The following GTF2I variants were observed in gnomAD, a reference collection of about 807,000 sequenced individuals.
GTF2I encodes the protein general transcription factor IIi.
A neutral mutation model predicts 67.6 loss-of-function variants in GTF2I; 12 were observed. That is an observed-to-expected ratio of 0.18 (90% confidence interval 0.11 to 0.29). The LOEUF is 0.29. Among genes scored for constraint, GTF2I ranks in the 10% least tolerant of loss-of-function variants. The pLI, the probability that GTF2I is intolerant of heterozygous loss-of-function variation, is 1.00. For missense variants in GTF2I, 271 were observed against 580.1 expected (o/e 0.47, Z 5.47); for synonymous variants, 149 against 197.0 (o/e 0.76, Z 2.04).
intron 9 of GTF2I, 67 bp from the exon 10 acceptor site, chr7:74,714,790 A>G: frequency 9.5e-7 from 1 of 1,058,064 alleles, no homozygotes; most frequent in Non-Finnish European, 1.4e-6. Flanking sequence ...AAATTTGTTG[A>G]CTAAAGTCAC....
intron 3 of GTF2I, among the ~76,000 whole-genome samples, chr7:74,693,565 G>A (rs748569016): frequency 1.3e-5 from 2 of 151,832 alleles, no homozygotes; most frequent in African/African-American, 2.4e-5. Context: ...AAATTAGGCC[G>A]GCCAGGCACG....
chr7:74,698,389 C>CTTTTT (rs67968753), intron 3 of GTF2I, among the ~76,000 whole-genome samples: 1 of 55,890 alleles, frequency 1.8e-5, no homozygotes, highest in Non-Finnish European at 2.9e-5. Context: ...CGCACCTGGC[C>CTTTTT]TTTTTTTTTT....
intron 1 of GTF2I, among the ~76,000 whole-genome samples, chr7:74,672,573 A>G (rs1413337372): frequency 6.6e-6 from 1 of 152,106 alleles, no homozygotes; most frequent in Admixed American, 6.6e-5. Flanking sequence ...AAAAAAACAC[A>G]GAGCCTGTGA....
At chr7:74,681,442 AAAAAAAAG>A (rs1484408102) in intron 1 of GTF2I, among the ~76,000 whole-genome samples, 1 of 151,744 alleles carries the variant, frequency 6.6e-6, no homozygotes, top group East Asian at 1.9e-4. Context: ...CTCAAAAATA[AAAAAAAAG>A]AAAAAAAGAA....
At chr7:74,662,746 A>G (rs1216795020) in intron 1 of GTF2I, among the ~76,000 whole-genome samples, 1 of 149,926 alleles carries the variant, frequency 6.7e-6, no homozygotes, top group Admixed American at 6.6e-5. Context: ...CTTGTCTCCA[A>G]CTCCTGACCT....
intron 1 of GTF2I, among the ~76,000 whole-genome samples, chr7:74,681,081 A>C (rs1358945020): frequency 6.6e-6 from 1 of 152,218 alleles, no homozygotes; most frequent in Non-Finnish European, 1.5e-5. Flanking sequence ...AATTAAAATC[A>C]AATCAGGGAA....
intron 12 of GTF2I, chr7:74,726,804 A>C (rs1025842305): frequency 6.6e-6 from 1 of 152,038 alleles, no homozygotes. Context: ...ACTGCCCTCC[A>C]GCCTGGGCGA....
chr7:74,665,288 G>A (rs1554388129), intron 1 of GTF2I, among the ~76,000 whole-genome samples: 1 of 151,832 alleles, frequency 6.6e-6, no homozygotes, highest in Non-Finnish European at 1.5e-5. Flanking sequence ...GTCTTGCTCT[G>A]TTACCCAGGC....
chr7:74,678,051 GTC>G (rs1180507419), intron 1 of GTF2I, among the ~76,000 whole-genome samples: 17 of 149,990 alleles, frequency 1.1e-4, no homozygotes, highest in African/African-American at 4.9e-5. Flanking sequence ...ATTTCTGTCT[GTC>G]TCTCTCTCTC....
chr7:74,682,352 A>G (rs1231383224), intron 1 of GTF2I, among the ~76,000 whole-genome samples: 1 of 152,212 alleles, frequency 6.6e-6, no homozygotes, highest in Non-Finnish European at 1.5e-5. Context: ...AAAGTTGAAA[A>G]GTAGAGAAAA....
intron 6 of GTF2I, among the ~76,000 whole-genome samples, chr7:74,702,156 A>G (rs940272591): frequency 1.3e-4 from 20 of 152,122 alleles, no homozygotes; most frequent in Non-Finnish European, 2.9e-5. Context: ...TTGTCTGGAC[A>G]TATTCCTTGA....
At chr7:74,712,652 CTTTT>C (rs67504763) in intron 9 of GTF2I, among the ~76,000 whole-genome samples, 4 of 114,170 alleles carry the variant, frequency 3.5e-5, no homozygotes, top group African/African-American at 3.4e-5. Context: ...CAAGATTTAT[CTTTT>C]TTTTTTTTTT....
At chr7:74,721,604 G>C (rs1793008815) in intron 12 of GTF2I, among the ~76,000 whole-genome samples, 1 of 151,664 alleles carries the variant, frequency 6.6e-6, no homozygotes, top group Non-Finnish European at 1.5e-5. Context: ...ATTTTTTTAA[G>C]AAGATAAAAA....
At chr7:74,730,887 A>T (rs1379969030) in intron 14 of GTF2I, among the ~76,000 whole-genome samples, 2 of 140,560 alleles carry the variant, frequency 1.4e-5, no homozygotes, top group Admixed American at 7.2e-5. Flanking sequence ...TTGTATTTTT[A>T]GTAGAGACAG....
intron 8 of GTF2I, among the ~76,000 whole-genome samples, chr7:74,708,801 C>A (rs1791122527): frequency 1.3e-5 from 2 of 152,170 alleles, no homozygotes; most frequent in Non-Finnish European, 2.9e-5. Flanking sequence ...TTCTCTTTGG[C>A]TGCTCAGCAT....
intron 4 of GTF2I, 152 bp from the exon 5 acceptor site, chr7:74,700,092 ACAT>A: frequency 2.7e-6 from 2 of 752,170 alleles, no homozygotes; most frequent in East Asian, 5.4e-5. Context: ...CCTTCTGCTG[ACAT>A]GGGGAGATAG....
At chr7:74,750,372 G>A in intron 26 of GTF2I, among the ~76,000 whole-genome samples, 1 of 100,112 alleles carries the variant, frequency 1.0e-5, no homozygotes, top group African/African-American at 2.8e-5. Flanking sequence ...TTGAACCCAG[G>A]AGGCGGAGGA....
At chr7:74,710,886 C>G (rs766784530) in intron 8 of GTF2I, 146 bp from the exon 9 acceptor site, 22 of 489,674 alleles carry the variant, frequency 4.5e-5, no homozygotes, top group Non-Finnish European at 7.4e-5. Flanking sequence ...TGCTACCTAG[C>G]AAACTTTTGT....
chr7:74,668,331 TTGTG>T (rs71094802), intron 1 of GTF2I, among the ~76,000 whole-genome samples: 11,116 of 147,670 alleles, frequency 0.075, 442 homozygotes, highest in African/African-American at 0.11. Flanking sequence ...GCAAAGCCCA[TTGTG>T]TGTGTGTGTG....
Sources: allele counts gnomAD v4.1 joint callset (sites outside exome capture counted in the v4.1 genomes callset), GRCh38; gene constraint gnomAD v4.1.1; transcripts MANE v1.5; gene names NCBI Gene and HGNC (gene_info 2026-07-23, HGNC 2026-07-21).